The following PSTPIP2 variants were observed in gnomAD, a reference collection of about 807,000 sequenced individuals.
The protein encoded by PSTPIP2 is proline-serine-threonine phosphatase interacting protein 2, also known as proline-serine-threonine phosphatase-interacting protein 2.
A neutral mutation model predicts 63.3 loss-of-function variants in PSTPIP2; 33 were observed. The observed-to-expected ratio is 0.52, with a 90% confidence interval of 0.40 to 0.70. PSTPIP2 has a LOEUF of 0.70. Among genes scored for constraint, PSTPIP2 ranks in the 30% least tolerant of loss-of-function variants. The pLI is 0.00. For synonymous variants in PSTPIP2, 125 were observed against 132.7 expected, an observed-to-expected ratio of 0.94 and a Z score of 0.40; for missense variants, 312 against 400.7, an observed-to-expected ratio of 0.78 and a Z score of 1.89.
intron 1 of PSTPIP2, among the ~76,000 whole-genome samples, chr18:46,044,599 CA>C (rs1908316202): frequency 6.6e-6 from 1 of 152,122 alleles, no homozygotes; most frequent in South Asian, 2.1e-4. Context: ...TAGGCATGGG[CA>C]AGGACTTCAT....
chr18:45,990,317 T>G (rs2051512888), intron 13 of PSTPIP2, among the ~76,000 whole-genome samples: 1 of 152,252 alleles, frequency 6.6e-6, no homozygotes, highest in Non-Finnish European at 1.5e-5. Flanking sequence ...CTCATTCTCT[T>G]GGGAATTTGA....
intron 4 of PSTPIP2, among the ~76,000 whole-genome samples, chr18:46,012,634 A>G (rs8092705): frequency 0.51 from 78,179 of 151,904 alleles, 20,356 homozygotes; most frequent in Middle Eastern, 0.65. Flanking sequence ...TTAGCCGGGC[A>G]TGGTGGTGGG....
At chr18:46,053,450 A>G (rs947360836) in intron 1 of PSTPIP2, among the ~76,000 whole-genome samples, 6 of 152,194 alleles carry the variant, frequency 3.9e-5, no homozygotes, top group Non-Finnish European at 7.3e-5. Context: ...TGTTCATCGA[A>G]GTCCAATGCC....
intron 6 of PSTPIP2, 71 bp downstream of exon 6, chr18:46,005,398 T>C: frequency 1.6e-6 from 2 of 1,236,456 alleles, no homozygotes; most frequent in Non-Finnish European, 2.3e-6. Flanking sequence ...AGTAGGAATA[T>C]GTTCATACAC....
intron 1 of PSTPIP2, among the ~76,000 whole-genome samples, chr18:46,069,670 T>C (rs1909321913): frequency 6.6e-6 from 1 of 152,238 alleles, no homozygotes; most frequent in South Asian, 2.1e-4. Context: ...AATACATTCA[T>C]TTATGAAGTG....
intron 1 of PSTPIP2, among the ~76,000 whole-genome samples, chr18:46,054,089 T>C (rs1908670785): frequency 6.6e-6 from 1 of 152,310 alleles, no homozygotes; most frequent in Non-Finnish European, 1.5e-5. Flanking sequence ...TTGAATATTG[T>C]AGGCAATACT....
chr18:46,060,077 G>A (rs920365663), intron 1 of PSTPIP2, among the ~76,000 whole-genome samples: 9 of 152,082 alleles, frequency 5.9e-5, no homozygotes, highest in Non-Finnish European at 1.3e-4. Context: ...TTTCCAAATT[G>A]TTTAATAACT....
chr18:45,992,278 T>G, intron 10 of PSTPIP2, 76 bp from the exon 11 acceptor site: 2 of 1,293,774 alleles, frequency 1.5e-6, no homozygotes, highest in Admixed American at 4.0e-5. Flanking sequence ...AACATGGGTT[T>G]GAGGCGGGGC....
At position 46,072,233 on chromosome 18, in the gene PSTPIP2, C is replaced by T. The variant is rs1270655742; in HGVS notation, c.-45G>A. 6.6e-7 allele frequency: 1 copy of T among 1,526,424 alleles called. No homozygotes were observed. Among genetic ancestry groups the T allele is most frequent in the East Asian group, 2.6e-5 (1 of 37,936 alleles). 94.6% of individuals were successfully genotyped at this position (1,526,424 alleles called of 1,614,324 possible). A position where few individuals can be genotyped will look rare whatever the true frequency, so the allele number is the denominator to read the frequency against. The stretch of plus-strand genomic sequence containing the variant: ...CGGAGGAGAGCCGGGCCGCAGGTAG[C>T]ACAGAGCGGGGAGGCCTGACTGCCA... On this transcript the variant is annotated 5_prime_UTR_variant, in exon 1 of 15. Coordinates refer to ENST00000409746, the MANE Select transcript of PSTPIP2 (RefSeq NM_024430.4).
At chr18:46,032,895 G>C (rs1350661981) in intron 2 of PSTPIP2, among the ~76,000 whole-genome samples, 1 of 152,116 alleles carries the variant, frequency 6.6e-6, no homozygotes, top group Admixed American at 6.6e-5. Context: ...AGTGCTCCAG[G>C]TTGCCCCAAA....
rs559731277 is a variant in PSTPIP2 at position 46,021,122 on chromosome 18, A to G, written c.212+3487T>C. Among the ~76,000 whole-genome samples the G allele has an allele frequency of 5.3e-5, 8 of 152,334 alleles. No individual in the cohort carries two copies. In the South Asian group the frequency reaches 1.7e-3, roughly 32 times the overall value. ...TCTAAACCATTCTTTAATTACAGTG[A>G]AACTTGTCTAAGTTGATGTAGTTTG... is the stretch of plus-strand genomic sequence containing the variant. On this transcript the variant is annotated intron_variant, in intron 3 of 14. Coordinates refer to ENST00000409746, the MANE Select transcript of PSTPIP2 (RefSeq NM_024430.4).
At chr18:46,035,102 A>G (rs1907920375) in intron 2 of PSTPIP2, among the ~76,000 whole-genome samples, 1 of 152,136 alleles carries the variant, frequency 6.6e-6, no homozygotes, top group African/African-American at 2.4e-5. Context: ...ACTTCAGACT[A>G]AAGTCCTATG....
chr18:45,991,919 T>C lies in PSTPIP2; in HGVS notation c.903A>G (p.Thr301=). 6.2e-7 allele frequency: 1 copy of C among 1,612,640 alleles called. No homozygotes were observed. The highest frequency in any genetic ancestry group is 1.1e-5 in the South Asian group (1 of 91,038). ...QKNAVPAGKA[T]GPNLARRGPL... is the part of the protein sequence containing the mutation. ...GTTATTACCTTGCCAAGTTAGGCCC[T>C]GTAGCCTTTCCTGCTGGGACTGCAT... is the stretch of plus-strand genomic sequence containing the variant. Residue 301 remains threonine, a synonymous_variant, in exon 12 of 15, where the codon ACA becomes ACG. Transcript: ENST00000409746.
intron 2 of PSTPIP2, among the ~76,000 whole-genome samples, chr18:46,030,424 C>A (rs1172507368): frequency 1.3e-5 from 2 of 151,886 alleles, no homozygotes; most frequent in African/African-American, 4.8e-5. Context: ...TGTTTTTGAC[C>A]ATTTTTAGAT....
intron 1 of PSTPIP2, among the ~76,000 whole-genome samples, chr18:46,057,294 T>A (rs1908793865): frequency 1.3e-5 from 2 of 151,934 alleles, no homozygotes; most frequent in Admixed American, 1.3e-4. Flanking sequence ...CCACCACCTT[T>A]CTTGGGAGAC....
intron 6 of PSTPIP2, among the ~76,000 whole-genome samples, chr18:46,004,140 G>A (rs1283045435): frequency 6.6e-6 from 1 of 152,130 alleles, no homozygotes; most frequent in Non-Finnish European, 1.5e-5. Context: ...AATATAAAAG[G>A]TCTGGGAAAA....
At chr18:45,999,929 G>A (rs1302975403) in intron 6 of PSTPIP2, among the ~76,000 whole-genome samples, 1 of 152,140 alleles carries the variant, frequency 6.6e-6, no homozygotes, top group African/African-American at 2.4e-5. Flanking sequence ...CTTGAGCCCA[G>A]AAGTTCAAGA....
chr18:45,985,592 G>T (rs1163517403), intron 14 of PSTPIP2, 142 bp from the exon 15 acceptor site: 3 of 703,674 alleles, frequency 4.3e-6, no homozygotes, highest in Non-Finnish European at 7.0e-6. Flanking sequence ...CAAGCAATGA[G>T]AAATGGAATG....
At chr18:46,014,474 G>A (rs1045518299) in intron 4 of PSTPIP2, among the ~76,000 whole-genome samples, 2 of 152,184 alleles carry the variant, frequency 1.3e-5, no homozygotes, top group African/African-American at 2.4e-5. Context: ...AGCACTTTGG[G>A]AGGCCAAGGC....
Sources: allele counts gnomAD v4.1 joint callset (sites outside exome capture counted in the v4.1 genomes callset), GRCh38; gene constraint gnomAD v4.1.1; transcripts MANE v1.5; gene names NCBI Gene and HGNC (gene_info 2026-07-23, HGNC 2026-07-21).